IRS1: variants seen among roughly 807,000 people sequenced by gnomAD.
The protein encoded by IRS1 is insulin receptor substrate 1.
In IRS1, 34 loss-of-function variants were observed where a neutral mutation model predicts 65.6. The ratio of observed to expected loss-of-function variants is 0.52; its 90% CI spans 0.39 to 0.69. The LOEUF is 0.69. IRS1 is among the 30% of genes least tolerant of loss of function. The pLI is 0.00. For missense variants in IRS1, 1,641 were observed against 1,720.2 expected (o/e 0.95, Z 0.81); for synonymous variants, 699 against 683.5 (o/e 1.02, Z -0.35).
At chr2:226,770,025 A>G (rs1939134206) in intron 1 of IRS1, among the ~76,000 whole-genome samples, 1 of 151,648 alleles carries the variant, frequency 6.6e-6, no homozygotes, top group Non-Finnish European at 1.5e-5. Context: ...AAAAAAGAGC[A>G]GTAATAAAGT....
chr2:226,755,660 T>C (rs1044988752), intron 1 of IRS1, among the ~76,000 whole-genome samples: 6 of 152,248 alleles, frequency 3.9e-5, no homozygotes, highest in African/African-American at 1.4e-4. Flanking sequence ...GGGGGAAGTC[T>C]GTTTCTTCAT....
chr2:226,760,002 C>T (rs768564172), intron 1 of IRS1, among the ~76,000 whole-genome samples: 1 of 152,066 alleles, frequency 6.6e-6, no homozygotes, highest in Non-Finnish European at 1.5e-5. Context: ...TGGCAAAACC[C>T]CACCTCTATT....
In IRS1 at chr2:226,796,471, G is replaced by T; in HGVS notation, c.2268C>A (p.Pro756=). The T allele has an allele frequency of 1.9e-6, 3 of 1,613,824 alleles. No homozygotes were observed. Among genetic ancestry groups the T allele is most frequent in the Non-Finnish European group, 2.5e-6 (3 of 1,180,036 alleles). The change falls in exon 1 of 2, where the codon CCC becomes CCA. Residue 756 remains proline, a synonymous_variant. Transcript: ENST00000305123. ...PSDCYYGPED[P]QHKPVLSYYS... is the part of the protein sequence containing the mutation. ...AGTAGGAGAGGACTGGCTTGTGCTGGGGGTCCTCAGGGCCGTAGTAGCAGT... is the reference window on the plus strand; with the variant it reads ...AGTAGGAGAGGACTGGCTTGTGCTGTGGGTCCTCAGGGCCGTAGTAGCAGT...
intron 1 of IRS1, among the ~76,000 whole-genome samples, chr2:226,764,273 G>T (rs1938982326): frequency 2.6e-5 from 4 of 152,172 alleles, no homozygotes; most frequent in Admixed American, 2.6e-4. Flanking sequence ...GCCAGGAACA[G>T]TGGCTCATAT....
rs1939774525 is a variant in IRS1, at chr2:226,797,772, A to T, written c.967T>A (p.Ser323Thr). ...TCACTGGAGGCGCGGACACGGAAGG[A>T]GCCTGGCTTCCCGCCCACCATGCTG... Reference protein sequence around the residue: ...PASMVGGKPGSFRVRASSDGE... With the variant: ...PASMVGGKPGTFRVRASSDGE... Residue 323 changes from serine (S) to threonine (T), a missense_variant, in exon 1 of 2, where the codon TCC becomes ACC. Ser to Thr is a moderately conservative substitution (Grantham distance 58, BLOSUM62 1). Transcript: ENST00000305123. This position sits in a 1 kb window ranked among gnomAD's most constrained non-coding sequence, Gnocchi z 8.1. 2 of 1,595,084 alleles carry T rather than the reference A, an allele frequency of 1.3e-6. No homozygotes were observed. Among genetic ancestry groups the T allele is most frequent in the Non-Finnish European group, 8.5e-7 (1 of 1,174,108 alleles).
intron 1 of IRS1, among the ~76,000 whole-genome samples, chr2:226,774,158 T>C (rs1939221247): frequency 6.6e-6 from 1 of 152,192 alleles, no homozygotes; most frequent in African/African-American, 2.4e-5. Flanking sequence ...TCCCCGAGAC[T>C]TGAGAGTCCG....
chr2:226,788,365 A>C (rs923458002), intron 1 of IRS1, among the ~76,000 whole-genome samples: 1 of 152,186 alleles, frequency 6.6e-6, no homozygotes, highest in African/African-American at 2.4e-5. Context: ...TACTGCCATT[A>C]TCAATGGAAA....
At position 226,742,726 on chromosome 2, in the gene IRS1, A is replaced by AAGAAAAAAAAAAAAAAAG. The variant is rs1553528393; in HGVS notation, c.*22-6477_*22-6476insCTTTTTTTTTTTTTTTCT. Among the ~76,000 whole-genome samples, 6 of 147,900 alleles carry AAGAAAAAAAAAAAAAAAG rather than the reference A, an allele frequency of 4.1e-5. No homozygotes were observed. The East Asian group carries it at 1.3e-3, about 32-fold the overall frequency. ...CACACGCATTATGAAAAAAAAAAAA[A>AAGAAAAAAAAAAAAAAAG]AGAAGACCGAAAGGCGACCATCAAG... On this transcript the variant is annotated intron_variant, in intron 1 of 1. Coordinates refer to ENST00000305123, the MANE Select transcript of IRS1 (RefSeq NM_005544.3).
intron 1 of IRS1, among the ~76,000 whole-genome samples, chr2:226,788,417 T>A (rs373262366): frequency 6.6e-6 from 1 of 152,164 alleles, no homozygotes; most frequent in Non-Finnish European, 1.5e-5. Context: ...CATAAATACA[T>A]CTTTTTCAAA....
At chr2:226,747,261 G>A (rs1362783487) in intron 1 of IRS1, among the ~76,000 whole-genome samples, 1 of 152,074 alleles carries the variant, frequency 6.6e-6, no homozygotes, top group Non-Finnish European at 1.5e-5. Flanking sequence ...GACTGTTATG[G>A]ACTGAAACAT....
chr2:226,791,323 G>C (rs1396147945), intron 1 of IRS1, among the ~76,000 whole-genome samples: 2 of 152,170 alleles, frequency 1.3e-5, no homozygotes, highest in Non-Finnish European at 2.9e-5. Context: ...CGGATCTCGA[G>C]ACCGGAAGAC....
intron 1 of IRS1, among the ~76,000 whole-genome samples, chr2:226,758,578 A>G (rs116248710): frequency 0.016 from 2,486 of 152,314 alleles, 37 homozygotes; most frequent in Non-Finnish European, 0.023. Flanking sequence ...ACTTTGATAT[A>G]ATATAGAAAT....
intron 1 of IRS1, among the ~76,000 whole-genome samples, chr2:226,760,877 A>G (rs919274281): frequency 6.6e-6 from 1 of 152,238 alleles, no homozygotes; most frequent in Non-Finnish European, 1.5e-5. Context: ...TTGCCATCAA[A>G]GCTGTCTGAA....
Position 226,799,802 on chromosome 2 carries a change from C to T in IRS1, c.-1064G>A, listed in dbSNP as rs1336336293. On this transcript the variant is annotated 5_prime_UTR_variant, in exon 1 of 2. Transcript: ENST00000305123. This position sits in a 1 kb window ranked among gnomAD's most constrained non-coding sequence, Gnocchi z 6.1. ...AAACACGTGACGGAGCCTCCGCGCT[C>T]GGCAGCCGGGCAGCCGCCGCCGGGA... is the stretch of plus-strand genomic sequence containing the variant. 1.2e-5 allele frequency: 12 copies of T among 989,814 alleles called. No individual in the cohort carries two copies. The highest frequency in any genetic ancestry group is 1.4e-5 in the Non-Finnish European group (12 of 829,792). 61.3% of individuals were successfully genotyped at this position (989,814 alleles called of 1,614,324 possible). A position where few individuals can be genotyped will look rare whatever the true frequency, so the allele number is the denominator to read the frequency against.
At position 226,766,163 on chromosome 2, in the gene IRS1, A is replaced by ATTTTTTTTTT. The variant is rs5839180; in HGVS notation, c.*21+28816_*21+28825dup. On this transcript the variant is annotated intron_variant, in intron 1 of 1. Coordinates refer to ENST00000305123, the MANE Select transcript of IRS1 (RefSeq NM_005544.3). ...TATATATATATATATATATATATAT[A>ATTTTTTTTTT]TTTTTTTTTTTTTTTTTTGAGACAG... 2.2e-3 allele frequency among the ~76,000 whole-genome samples: 10 copies of ATTTTTTTTTT among 4,598 alleles called. 2 individuals carry two copies. The highest frequency in any genetic ancestry group is 6.6e-3 in the East Asian group (1 of 152). 3.0% of individuals were successfully genotyped at this position (4,598 alleles called of 152,430 possible). A position where few individuals can be genotyped will look rare whatever the true frequency, so the allele number is the denominator to read the frequency against.
intron 1 of IRS1, among the ~76,000 whole-genome samples, chr2:226,780,849 A>T (rs1434515791): frequency 6.6e-6 from 1 of 152,236 alleles, no homozygotes; most frequent in Non-Finnish European, 1.5e-5. Flanking sequence ...TACTCAAAAA[A>T]TATCCACATT....
chr2:226,770,196 T>C (rs1247446154), intron 1 of IRS1, among the ~76,000 whole-genome samples: 1 of 152,256 alleles, frequency 6.6e-6, no homozygotes, highest in African/African-American at 2.4e-5. Flanking sequence ...AAGCTACCTT[T>C]TAAAGCCTTT....
chr2:226,796,109 T>C lies in IRS1; in HGVS notation c.2630A>G (p.Gln877Arg), dbSNP rs1939715385. Residue 877 changes from glutamine (Q) to arginine (R), a missense_variant, in exon 1 of 2, where the codon CAG becomes CGG. By Grantham distance (43) the Gln-to-Arg change is conservative. Around this residue, in one of 3 missense-constraint regions of IRS1, gnomAD observed 1,324 missense variants for 1,361.0 expected, o/e 0.97. Transcript: ENST00000305123. ...CAGCAAGGGCTGCTGCTGCTGCTGCTGCTCTCGGGCCCGAGGTAAGGTGCT... is the reference window on the plus strand; with the variant it reads ...CAGCAAGGGCTGCTGCTGCTGCTGCCGCTCTCGGGCCCGAGGTAAGGTGCT... The part of the protein sequence containing the change: ...KASTLPRARE[Q>R]QQQQQPLLHP... The C allele has an allele frequency of 6.2e-7, 1 of 1,613,664 alleles. No homozygotes were observed. Among genetic ancestry groups the C allele is most frequent in the Non-Finnish European group, 8.5e-7 (1 of 1,180,044 alleles).
rs759331297 is a variant in IRS1 at position 226,796,199 on chromosome 2, G to C, written c.2540C>G (p.Thr847Arg). The stretch of plus-strand genomic sequence containing the variant: ...CAGGCGGCTATTGGTCTGAGCAGCT[G>C]TGTCCACCTTTCGAGGCAGATGGGG... ...LQPHLPRKVD[T>R]AAQTNSRLAR... Residue 847 changes from threonine (T) to arginine (R), a missense_variant, in exon 1 of 2, where the codon ACA becomes AGA. By Grantham distance (71) the Thr-to-Arg change is moderately conservative. Transcript: ENST00000305123. 1 of 1,613,406 alleles carries C rather than the reference G, an allele frequency of 6.2e-7. No homozygotes were observed. Among genetic ancestry groups the C allele is most frequent in the Non-Finnish European group, 8.5e-7 (1 of 1,179,856 alleles).
Sources: allele counts gnomAD v4.1 joint callset (sites outside exome capture counted in the v4.1 genomes callset), GRCh38; gene constraint gnomAD v4.1.1; regional missense constraint gnomAD v4.1.1; non-coding constraint Gnocchi (gnomAD v3.1); transcripts MANE v1.5; gene names NCBI Gene and HGNC (gene_info 2026-07-23, HGNC 2026-07-21).